SIK3: variants seen among roughly 807,000 people sequenced by gnomAD.
SIK3 encodes the protein serine/threonine-protein kinase SIK3.
In SIK3, 28 loss-of-function variants were observed where a neutral mutation model predicts 144.2. The observed-to-expected ratio is 0.19, with a 90% CI of 0.14 to 0.27. SIK3 has a LOEUF of 0.27. Among genes scored for constraint, SIK3 ranks in the 10% least tolerant of loss-of-function variants. SIK3 has a pLI of 1.00. For synonymous variants in SIK3, 686 were observed against 676.3 expected, an observed-to-expected ratio of 1.01 and a Z score of -0.22; for missense variants, 1,319 against 1,776.0, an observed-to-expected ratio of 0.74 and a Z score of 4.62.
intron 1 of SIK3, among the ~76,000 whole-genome samples, chr11:117,038,284 A>G (rs1018967966): frequency 6.6e-6 from 1 of 152,198 alleles, no homozygotes; most frequent in African/African-American, 2.4e-5. Context: ...AATTTCACAG[A>G]ATACCAACTT....
chr11:116,921,779 C>T (rs1165500820), intron 4 of SIK3, among the ~76,000 whole-genome samples: 2 of 152,168 alleles, frequency 1.3e-5, no homozygotes, highest in South Asian at 2.1e-4. Flanking sequence ...ATTAAGAACA[C>T]GGATTTGTTA....
intron 1 of SIK3, among the ~76,000 whole-genome samples, chr11:116,969,347 A>G (rs1271720148): frequency 6.6e-6 from 1 of 151,822 alleles, no homozygotes; most frequent in Non-Finnish European, 1.5e-5. Context: ...TAGGAAAATA[A>G]GAGACCGTAA....
At position 116,844,037 on chromosome 11, in the gene SIK3, G is replaced by A. The variant is rs550336036; in HGVS notation, c.*1606C>T. The A allele has an allele frequency of 6.6e-5, 10 of 152,224 alleles. No individual in the cohort carries two copies. The highest frequency in any genetic ancestry group is 1.4e-4 in the African/African-American group (6 of 41,542). 9.4% of individuals were successfully genotyped at this position (152,224 alleles called of 1,614,324 possible). A position where few individuals can be genotyped will look rare whatever the true frequency, so the allele number is the denominator to read the frequency against. ...AGGATGAAAGACTAGGAGGGGACTC[G>A]GGACCTCTTGCTCTCCTTTCCCAGA... On this transcript the variant is annotated 3_prime_UTR_variant, in exon 25 of 25. Transcript: ENST00000445177.
At chr11:116,863,536 C>T in intron 16 of SIK3, 132 bp downstream of exon 16, 2 of 1,356,654 alleles carry the variant, frequency 1.5e-6, no homozygotes, top group South Asian at 1.3e-5. Context: ...GCCCAGAAAG[C>T]TATACTTTTT....
chr11:116,991,990 G>A (rs1950513274), intron 1 of SIK3, among the ~76,000 whole-genome samples: 1 of 152,042 alleles, frequency 6.6e-6, no homozygotes, highest in Non-Finnish European at 1.5e-5. Flanking sequence ...CACCAAAAAA[G>A]GGGGTAAATC....
chr11:116,937,467 G>A (rs1039106513), intron 3 of SIK3, among the ~76,000 whole-genome samples: 4 of 152,062 alleles, frequency 2.6e-5, no homozygotes, highest in South Asian at 2.1e-4. Context: ...AGTAGATTAC[G>A]GTACATAATA....
At chr11:117,057,287 C>T (rs1414571132) in intron 1 of SIK3, among the ~76,000 whole-genome samples, 1 of 152,160 alleles carries the variant, frequency 6.6e-6, no homozygotes, top group East Asian at 1.9e-4. Flanking sequence ...ACTTTATGTA[C>T]ATCTGCACTA....
At chr11:116,965,772 T>G (rs1255815005) in intron 1 of SIK3, among the ~76,000 whole-genome samples, 2 of 67,850 alleles carry the variant, frequency 2.9e-5, no homozygotes, top group African/African-American at 1.0e-4. Context: ...TATATATATA[T>G]ATATATATAT....
At chr11:116,869,452 T>C (rs372358393) in intron 14 of SIK3, 96 of 152,404 alleles carry the variant, frequency 6.3e-4, no homozygotes, top group African/African-American at 2.3e-3. Context: ...ATCAGTGTTA[T>C]GTGAACTTGC....
At chr11:117,044,433 T>C (rs1952868958) in intron 1 of SIK3, among the ~76,000 whole-genome samples, 1 of 152,136 alleles carries the variant, frequency 6.6e-6, no homozygotes, top group African/African-American at 2.4e-5. Flanking sequence ...ATTTTAATTA[T>C]GATTCATTTA....
chr11:117,044,314 T>C (rs572190250), intron 1 of SIK3, among the ~76,000 whole-genome samples: 21 of 152,302 alleles, frequency 1.4e-4, no homozygotes, highest in Non-Finnish European at 2.5e-4. Flanking sequence ...TAAAAACCCA[T>C]CTCAGTGATC....
At chr11:116,947,937 C>CA (rs1555108034) in intron 3 of SIK3, among the ~76,000 whole-genome samples, 2 of 133,834 alleles carry the variant, frequency 1.5e-5, no homozygotes, top group African/African-American at 2.7e-5. Flanking sequence ...TCTAAGCTGA[C>CA]TTTTTTTTTT....
chr11:116,925,812 G>A (rs745884307), intron 4 of SIK3, among the ~76,000 whole-genome samples: 9 of 152,256 alleles, frequency 5.9e-5, no homozygotes, highest in East Asian at 1.9e-4. Context: ...AAATAAAACC[G>A]ACATGAGAGC....
intron 3 of SIK3, among the ~76,000 whole-genome samples, chr11:116,943,174 T>A (rs185224252): frequency 1.7e-4 from 22 of 129,708 alleles, no homozygotes; most frequent in Non-Finnish European, 2.9e-4. Context: ...AAAGACAAAC[T>A]TAGAAATGAA....
chr11:117,011,274 G>A (rs1951242437), intron 1 of SIK3, among the ~76,000 whole-genome samples: 1 of 152,026 alleles, frequency 6.6e-6, no homozygotes, highest in Non-Finnish European at 1.5e-5. Flanking sequence ...ATGCTGATGT[G>A]CTGCAAATAG....
chr11:117,014,353 A>G (rs1042982249), intron 1 of SIK3, among the ~76,000 whole-genome samples: 1 of 152,200 alleles, frequency 6.6e-6, no homozygotes, highest in African/African-American at 2.4e-5. Flanking sequence ...TTAGCCCTTA[A>G]GAAATCTAAA....
At chr11:116,853,307 C>T (rs1050241856) in intron 21 of SIK3, among the ~76,000 whole-genome samples, 1 of 152,150 alleles carries the variant, frequency 6.6e-6, no homozygotes, top group Non-Finnish European at 1.5e-5. Flanking sequence ...ACCCACTGCC[C>T]AAGGAACATG....
chr11:116,889,096 A>G (rs926182302), intron 6 of SIK3, among the ~76,000 whole-genome samples: 2 of 152,220 alleles, frequency 1.3e-5, no homozygotes, highest in Admixed American at 6.5e-5. Flanking sequence ...ATGGTGTAGT[A>G]AAACAAACAC....
chr11:116,860,394 TA>T (rs1943255806), intron 19 of SIK3, among the ~76,000 whole-genome samples: 2 of 152,270 alleles, frequency 1.3e-5, no homozygotes, highest in African/African-American at 4.8e-5. Context: ...GGAGACTGAC[TA>T]GGGACGTAGC....
Sources: gnomAD v4.1 joint callset for allele counts (sites outside exome capture counted in the v4.1 genomes callset) on GRCh38, gnomAD v4.1.1 for gene constraint, MANE v1.5 for transcripts, NCBI Gene and HGNC (gene_info 2026-07-23, HGNC 2026-07-21) for gene names.